Variants in MSRA observed in about 807,000 individuals in gnomAD.
MSRA encodes mitochondrial peptide methionine sulfoxide reductase.
Under a neutral mutation model 31.3 loss-of-function variants are expected in MSRA, and 54 were observed. The observed-to-expected ratio is 1.73, with a 90% CI of 1.39 to 2.17. The LOEUF (loss-of-function observed/expected upper bound fraction) is 2.17, where lower values mean the gene tolerates loss of function less well. Ranked by LOEUF, MSRA falls within the 30% of genes most tolerant of loss-of-function variation. The probability of loss-of-function intolerance (pLI) is 0.00; values close to 1 mark genes in which losing one functional copy is unlikely to be tolerated. For synonymous variants in MSRA, 169 were observed against 116.5 expected, an observed-to-expected ratio of 1.45 and a Z score of -2.90; for missense variants, 507 against 300.9, an observed-to-expected ratio of 1.69 and a Z score of -5.07.
intron 5 of MSRA, among the ~76,000 whole-genome samples, chr8:10,324,210 A>G (rs576640357): frequency 4.6e-4 from 70 of 152,338 alleles, no homozygotes; most frequent in Non-Finnish European, 9.4e-4. Flanking sequence ...CTCAGTGGCT[A>G]GTGTGACTGA....
intron 2 of MSRA, among the ~76,000 whole-genome samples, chr8:10,233,415 TAACA>T (rs779400881): frequency 5.6e-4 from 85 of 152,350 alleles, no homozygotes; most frequent in Middle Eastern, 6.8e-3. Flanking sequence ...TAATTTTTTA[TAACA>T]AACAAAAGCA....
intron 5 of MSRA, among the ~76,000 whole-genome samples, chr8:10,425,681 G>T (rs1449666482): frequency 6.6e-6 from 1 of 152,238 alleles, no homozygotes; most frequent in African/African-American, 2.4e-5. Flanking sequence ...AGGGCCGGGA[G>T]CGAGGCCCGT....
rs991207322 is a variant in MSRA, at chr8:10,250,602, G to A, written c.331+5379G>A. On this transcript the variant is annotated intron_variant, in intron 3 of 5. Coordinates refer to ENST00000317173, the MANE Select transcript of MSRA (RefSeq NM_012331.5). Reference sequence around the variant, plus strand: ...TTCCTTATCAACAGAATACTCCGGTGGATTTTCAAGCAGGCTGTTCAGCAG... The same window carrying A: ...TTCCTTATCAACAGAATACTCCGGTAGATTTTCAAGCAGGCTGTTCAGCAG... 30 of 631,056 alleles carry A rather than the reference G, an allele frequency of 4.8e-5. No homozygotes were observed. The African/African-American group carries it at 5.5e-4, about 11-fold the overall frequency. The allele number at this position is 631,056 out of a possible 1,614,324, so 39.1% of individuals were successfully genotyped here.
chr8:10,181,842 C>T (rs940446593), intron 1 of MSRA, among the ~76,000 whole-genome samples: 3 of 152,180 alleles, frequency 2.0e-5, no homozygotes, highest in Non-Finnish European at 4.4e-5. Context: ...TCACTTCTAC[C>T]CTTGGGTCAT....
chr8:10,191,677 G>A (rs997358622), intron 1 of MSRA, among the ~76,000 whole-genome samples: 21 of 152,078 alleles, frequency 1.4e-4, no homozygotes, highest in African/African-American at 4.8e-4. Flanking sequence ...TTAGAAATGG[G>A]TCATGTTCTA....
At chr8:10,076,538 T>C (rs1348921238) in intron 1 of MSRA, among the ~76,000 whole-genome samples, 1 of 152,186 alleles carries the variant, frequency 6.6e-6, no homozygotes, top group Non-Finnish European at 1.5e-5. Flanking sequence ...ATGGTCAACA[T>C]GGGTGTGCAT....
At chr8:10,230,657 C>A (rs1252305969) in intron 2 of MSRA, among the ~76,000 whole-genome samples, 1 of 152,148 alleles carries the variant, frequency 6.6e-6, no homozygotes, top group Non-Finnish European at 1.5e-5. Context: ...GGAATACATA[C>A]TTCTTATAGA....
chr8:10,097,779 A>G (rs1799274354), intron 1 of MSRA, among the ~76,000 whole-genome samples: 1 of 152,200 alleles, frequency 6.6e-6, no homozygotes, highest in Non-Finnish European at 1.5e-5. Context: ...GATCAAAAGT[A>G]GGTGAATTAA....
intron 1 of MSRA, among the ~76,000 whole-genome samples, chr8:10,204,131 T>A (rs1808738647): frequency 6.6e-6 from 1 of 151,896 alleles, no homozygotes; most frequent in Non-Finnish European, 1.5e-5. Context: ...TTTCATATAA[T>A]TGTACAATGT....
At chr8:10,403,871 G>A (rs1321971359) in intron 5 of MSRA, among the ~76,000 whole-genome samples, 1 of 152,162 alleles carries the variant, frequency 6.6e-6, no homozygotes, top group Non-Finnish European at 1.5e-5. Context: ...TTCCCATCTG[G>A]TGCACAGGGA....
intron 5 of MSRA, among the ~76,000 whole-genome samples, chr8:10,422,444 G>A (rs547710098): frequency 6.6e-6 from 1 of 152,276 alleles, no homozygotes; most frequent in South Asian, 2.1e-4. Context: ...AGGCTTCCTG[G>A]GGTCATTGAG....
At chr8:10,256,367 C>T (rs1798180136) in intron 3 of MSRA, among the ~76,000 whole-genome samples, 1 of 152,098 alleles carries the variant, frequency 6.6e-6, no homozygotes, top group South Asian at 2.1e-4. Context: ...TTGTCTATTC[C>T]CCTGCCGAAG....
At chr8:10,398,566 G>A (rs570242622) in intron 5 of MSRA, among the ~76,000 whole-genome samples, 1 of 152,326 alleles carries the variant, frequency 6.6e-6, no homozygotes, top group African/African-American at 2.4e-5. Context: ...GAACTGGACA[G>A]TGGCAGGTGC....
intron 5 of MSRA, among the ~76,000 whole-genome samples, chr8:10,412,603 A>C (rs1488376849): frequency 1.3e-5 from 2 of 152,240 alleles, no homozygotes; most frequent in East Asian, 1.9e-4. Flanking sequence ...CAACAATACA[A>C]GCAAATCACC....
chr8:10,174,355 A>G (rs1410900907), intron 1 of MSRA, among the ~76,000 whole-genome samples: 1 of 152,086 alleles, frequency 6.6e-6, no homozygotes, highest in African/African-American at 2.4e-5. Flanking sequence ...AGGCATGGCT[A>G]GGGGTGGACT....
chr8:10,182,411 C>T (rs1031368607), intron 1 of MSRA, among the ~76,000 whole-genome samples: 1 of 152,166 alleles, frequency 6.6e-6, no homozygotes, highest in African/African-American at 2.4e-5. Context: ...AATCCGGACA[C>T]AGCTCAGCTG....
At chr8:10,083,402 T>G (rs1563413633) in intron 1 of MSRA, among the ~76,000 whole-genome samples, 1 of 152,234 alleles carries the variant, frequency 6.6e-6, no homozygotes, top group East Asian at 1.9e-4. Context: ...CTTGGGTATC[T>G]TAAGAGAAAT....
intron 5 of MSRA, among the ~76,000 whole-genome samples, chr8:10,423,175 A>G (rs563324445): frequency 2.0e-5 from 3 of 152,196 alleles, no homozygotes; most frequent in African/African-American, 7.2e-5. Context: ...CAGGCTGCGC[A>G]TTACCTGGGT....
intron 5 of MSRA, among the ~76,000 whole-genome samples, chr8:10,320,778 C>A (rs1802005055): frequency 6.6e-6 from 1 of 152,132 alleles, no homozygotes; most frequent in Admixed American, 6.5e-5. Flanking sequence ...CTGTTCCAGG[C>A]CTCTCTCCTT....
Sources: gnomAD v4.1 joint callset for allele counts (sites outside exome capture counted in the v4.1 genomes callset) on GRCh38, gnomAD v4.1.1 for gene constraint, MANE v1.5 for transcripts, NCBI Gene and HGNC (gene_info 2026-07-23, HGNC 2026-07-21) for gene names.